The following PRTFDC1 variants were observed in gnomAD, a reference collection of about 807,000 sequenced individuals.
PRTFDC1 encodes phosphoribosyltransferase domain-containing protein 1.
In PRTFDC1, 38 loss-of-function variants were observed where a neutral mutation model predicts 34.6. The observed-to-expected ratio is 1.10, with a 90% CI of 0.85 to 1.44. The LOEUF (loss-of-function observed/expected upper bound fraction) is 1.44. PRTFDC1 is among the 40% of genes most tolerant of loss of function. PRTFDC1 has a pLI of 0.00. For missense variants in PRTFDC1, 270 were observed against 283.0 expected (o/e 0.95, Z 0.33); for synonymous variants, 93 against 98.1 (o/e 0.95, Z 0.31).
At chr10:24,869,060 A>G (rs1264293182) in intron 4 of PRTFDC1, among the ~76,000 whole-genome samples, 2 of 152,156 alleles carry the variant, frequency 1.3e-5, no homozygotes, top group Non-Finnish European at 1.5e-5. Flanking sequence ...TCTTCTAGCT[A>G]CTTTGAAATA....
intron 4 of PRTFDC1, among the ~76,000 whole-genome samples, chr10:24,868,887 A>AT (rs535488879): frequency 6.3e-4 from 96 of 151,606 alleles, no homozygotes; most frequent in African/African-American, 2.1e-3. Context: ...GCCAATCCTT[A>AT]TTTTTTAAAT....
chr10:24,903,543 T>G (rs1416631298), intron 3 of PRTFDC1, among the ~76,000 whole-genome samples: 1 of 152,176 alleles, frequency 6.6e-6, no homozygotes, highest in Non-Finnish European at 1.5e-5. Flanking sequence ...TCTATTTTAA[T>G]ACAATCATCC....
chr10:24,924,089 G>C (rs1350008822), intron 3 of PRTFDC1, among the ~76,000 whole-genome samples: 1 of 152,020 alleles, frequency 6.6e-6, no homozygotes, highest in Non-Finnish European at 1.5e-5. Context: ...AAAGTGAGAA[G>C]ACAAGATTAG....
chr10:24,876,276 C>T (rs1446684821), intron 3 of PRTFDC1, among the ~76,000 whole-genome samples: 1 of 151,964 alleles, frequency 6.6e-6, no homozygotes, highest in Non-Finnish European at 1.5e-5. Context: ...TACTTTTGTA[C>T]ATTTTTTTTT....
intron 3 of PRTFDC1, among the ~76,000 whole-genome samples, chr10:24,901,048 A>G (rs970567767): frequency 6.6e-6 from 1 of 152,210 alleles, no homozygotes; most frequent in Non-Finnish European, 1.5e-5. Flanking sequence ...AGCATCGGAA[A>G]TGTGTCTAGT....
At chr10:24,880,541 T>C (rs1415748345) in intron 3 of PRTFDC1, among the ~76,000 whole-genome samples, 1 of 152,244 alleles carries the variant, frequency 6.6e-6, no homozygotes, top group African/African-American at 2.4e-5. Flanking sequence ...TTATTCTTTG[T>C]TCATTCACAC....
chr10:24,855,350 C>T lies in PRTFDC1; in HGVS notation c.521G>A (p.Arg174Lys). ...MIKVASLLVKRTSRSDGFRPD... is the reference protein window; with the variant it reads ...MIKVASLLVKKTSRSDGFRPD... ...TCTAAAGCCGTCACTTCTGGATGTT[C>T]TCTTCACCAACAAACTACCATTAAA... Residue 174 changes from arginine (R) to lysine (K), a missense_variant, in exon 7 of 9, where the codon AGA (arginine) becomes AAA (lysine). Coordinates refer to ENST00000320152, the MANE Select transcript of PRTFDC1 (RefSeq NM_020200.7). 1 of 1,614,096 alleles carries T rather than the reference C, an allele frequency of 6.2e-7. No individual in the cohort carries two copies. Among genetic ancestry groups the T allele is most frequent in the Non-Finnish European group, 8.5e-7 (1 of 1,179,998 alleles).
intron 1 of PRTFDC1, among the ~76,000 whole-genome samples, chr10:24,947,557 AATCCCAG>A (rs1401045612): frequency 6.6e-6 from 1 of 152,224 alleles, no homozygotes; most frequent in African/African-American, 2.4e-5. Context: ...GCAACATCCA[AATCCCAG>A]AAGTAATTCT....
chr10:24,853,815 G>A (rs1449981062), intron 7 of PRTFDC1, among the ~76,000 whole-genome samples: 7 of 152,268 alleles, frequency 4.6e-5, no homozygotes, highest in African/African-American at 1.4e-4. Context: ...GAATCAGAGT[G>A]ACCTATCCTT....
chr10:24,877,658 T>C (rs570956137), intron 3 of PRTFDC1, among the ~76,000 whole-genome samples: 1 of 152,310 alleles, frequency 6.6e-6, no homozygotes, highest in African/African-American at 2.4e-5. Context: ...TCTTGCTCTG[T>C]TGCACAGGCT....
intron 3 of PRTFDC1, among the ~76,000 whole-genome samples, chr10:24,910,272 G>A (rs1032476004): frequency 7.9e-5 from 12 of 152,094 alleles, no homozygotes; most frequent in Admixed American, 7.9e-4. Context: ...TAAGAACTAG[G>A]GGAAGAAGAC....
chr10:24,892,753 A>G (rs947596866), intron 3 of PRTFDC1, among the ~76,000 whole-genome samples: 1 of 152,072 alleles, frequency 6.6e-6, no homozygotes, highest in African/African-American at 2.4e-5. Context: ...TCACAAGGCA[A>G]GTGGCAATGA....
At chr10:24,928,252 T>A (rs1848911334) in intron 3 of PRTFDC1, among the ~76,000 whole-genome samples, 1 of 152,142 alleles carries the variant, frequency 6.6e-6, no homozygotes, top group African/African-American at 2.4e-5. Context: ...TCTCCATTTT[T>A]ACTTAAAAAT....
chr10:24,926,485 A>T (rs1848876827), intron 3 of PRTFDC1, among the ~76,000 whole-genome samples: 1 of 152,064 alleles, frequency 6.6e-6, no homozygotes, highest in Non-Finnish European at 1.5e-5. Flanking sequence ...AGTAGCTGGG[A>T]CTACAGGCGC....
intron 3 of PRTFDC1, among the ~76,000 whole-genome samples, chr10:24,935,295 G>A (rs1008947980): frequency 1.3e-4 from 20 of 152,276 alleles, no homozygotes; most frequent in African/African-American, 4.6e-4. Flanking sequence ...AGGGCCAAGT[G>A]AATGAGAGAA....
rs554224063 is a variant in PRTFDC1 at position 24,942,307 on chromosome 10, T to C, written c.155+23A>G. The C allele has an allele frequency of 2.7e-4, 432 of 1,578,736 alleles. 4 individuals are homozygous for C. The East Asian group carries it at 2.9e-3, about 11-fold the overall frequency. On this transcript the variant is annotated intron_variant, in intron 2 of 8. Coordinates refer to ENST00000320152, the MANE Select transcript of PRTFDC1 (RefSeq NM_020200.7). ...GGGCCGGCCCAGTGCAGGACCAAGA[T>C]TGACACAGGAAATCACACTCACCTG...
rs544279024 is a variant in PRTFDC1, at chr10:24,905,590, A to G, written c.339+31594T>C. On this transcript the variant is annotated intron_variant, in intron 3 of 8. Coordinates refer to ENST00000320152, the MANE Select transcript of PRTFDC1 (RefSeq NM_020200.7). ...GGCCTCCCAAAGTGTTGGGATTACAAGGGTGAGCCACCTTGCCAAGCCAAG... is the reference window on the plus strand; with the variant it reads ...GGCCTCCCAAAGTGTTGGGATTACAGGGGTGAGCCACCTTGCCAAGCCAAG... Among the ~76,000 whole-genome samples, 85 of 152,046 alleles carry G rather than the reference A, an allele frequency of 5.6e-4. No homozygotes were observed. The Middle Eastern group carries it at 0.01, about 18-fold the overall frequency.
intron 3 of PRTFDC1, among the ~76,000 whole-genome samples, chr10:24,872,800 ATATATATTT>A (rs1175987216): frequency 8.2e-6 from 1 of 121,682 alleles, no homozygotes; most frequent in African/African-American, 3.7e-5. Context: ...ATATATATAT[ATATATATTT>A]TTTTTTTTTT....
At chr10:24,889,964 C>G (rs1848233575) in intron 3 of PRTFDC1, among the ~76,000 whole-genome samples, 1 of 152,180 alleles carries the variant, frequency 6.6e-6, no homozygotes, top group Non-Finnish European at 1.5e-5. Flanking sequence ...CGTTGCTCAT[C>G]TAAAAGTAGC....
Sources: gnomAD v4.1 joint callset for allele counts (sites outside exome capture counted in the v4.1 genomes callset) on GRCh38, gnomAD v4.1.1 for gene constraint, MANE v1.5 for transcripts, NCBI Gene and HGNC (gene_info 2026-07-23, HGNC 2026-07-21) for gene names.